MARCHF10: variants seen among roughly 807,000 people sequenced by gnomAD.
MARCHF10 encodes the protein probable E3 ubiquitin-protein ligase MARCHF10.
In MARCHF10, 64 loss-of-function variants were observed where a neutral mutation model predicts 76.2. The ratio of observed to expected loss-of-function variants is 0.84; its 90% CI spans 0.69 to 1.03. The LOEUF is 1.03. Ranked by LOEUF, MARCHF10 falls within the 50% of genes least tolerant of loss-of-function variation. MARCHF10 has a pLI of 0.00. For synonymous variants in MARCHF10, 340 were observed against 357.5 expected (o/e 0.95, Z 0.55); for missense variants, 875 against 958.0 (o/e 0.91, Z 1.14).
chr17:62,754,212 A>G (rs2091977040), intron 4 of MARCHF10, among the ~76,000 whole-genome samples: 1 of 152,136 alleles, frequency 6.6e-6, no homozygotes, highest in Non-Finnish European at 1.5e-5. Context: ...AGCTGGGATT[A>G]CAGGCATATG....
chr17:62,717,824 G>A (rs2090292020), intron 8 of MARCHF10, among the ~76,000 whole-genome samples: 1 of 152,184 alleles, frequency 6.6e-6, no homozygotes, highest in Non-Finnish European at 1.5e-5. Flanking sequence ...CCCTTTGAGT[G>A]TGCCACCATC....
intron 6 of MARCHF10, among the ~76,000 whole-genome samples, chr17:62,733,318 T>G (rs1466781416): frequency 6.6e-6 from 1 of 151,910 alleles, no homozygotes; most frequent in African/African-American, 2.4e-5. Flanking sequence ...ACATCAATAT[T>G]TCACAGAATG....
At chr17:62,799,129 A>G (rs570469742) in intron 2 of MARCHF10, among the ~76,000 whole-genome samples, 1 of 152,284 alleles carries the variant, frequency 6.6e-6, no homozygotes, top group East Asian at 1.9e-4. Context: ...GAGGGAGCTG[A>G]TGGACAAGTA....
intron 7 of MARCHF10, among the ~76,000 whole-genome samples, chr17:62,723,198 G>C (rs1429716902): frequency 6.7e-6 from 1 of 150,318 alleles, no homozygotes; most frequent in East Asian, 1.9e-4. Context: ...ATATGAGAAG[G>C]CTTCCTTTGT....
intron 4 of MARCHF10, among the ~76,000 whole-genome samples, chr17:62,758,123 A>G (rs553774374): frequency 6.6e-6 from 1 of 152,336 alleles, no homozygotes; most frequent in Non-Finnish European, 1.5e-5. Context: ...AATTCAGGCC[A>G]GGTGCGGTGG....
intron 8 of MARCHF10, among the ~76,000 whole-genome samples, chr17:62,721,650 G>A (rs1167635297): frequency 6.6e-6 from 1 of 152,126 alleles, no homozygotes; most frequent in African/African-American, 2.4e-5. Context: ...CCCACTTGAG[G>A]GTAACTAACT....
chr17:62,745,285 G>A (rs2091664425), intron 4 of MARCHF10, among the ~76,000 whole-genome samples: 1 of 151,776 alleles, frequency 6.6e-6, no homozygotes, highest in Non-Finnish European at 1.5e-5. Flanking sequence ...CGTATTTTTA[G>A]TAGAGACAGG....
intron 4 of MARCHF10, chr17:62,746,832 C>G: frequency 7.0e-7 from 1 of 1,429,194 alleles, no homozygotes; most frequent in Admixed American, 2.0e-5. Flanking sequence ...TTCACACTGC[C>G]CAGAGGCCAC....
intron 4 of MARCHF10, among the ~76,000 whole-genome samples, chr17:62,746,431 G>A (rs1221722418): frequency 1.3e-5 from 2 of 150,336 alleles, no homozygotes; most frequent in Admixed American, 1.3e-4. Context: ...AAAAGGGGGT[G>A]AGAGGAGGAA....
intron 10 of MARCHF10, chr17:62,704,940 C>A: frequency 1.0e-6 from 1 of 972,346 alleles, no homozygotes; most frequent in Non-Finnish European, 1.2e-6. Context: ...ACGTTTTTCT[C>A]CAGTCGTTTT....
At chr17:62,733,628 A>T (rs1312747773) in intron 6 of MARCHF10, among the ~76,000 whole-genome samples, 2 of 152,228 alleles carry the variant, frequency 1.3e-5, no homozygotes, top group Non-Finnish European at 2.9e-5. Flanking sequence ...GAGCCAGGAG[A>T]CATTTACAAG....
At chr17:62,722,290 A>C (rs2090530410) in intron 8 of MARCHF10, among the ~76,000 whole-genome samples, 198 bp downstream of exon 8, 2 of 151,988 alleles carry the variant, frequency 1.3e-5, no homozygotes, top group African/African-American at 4.8e-5. Context: ...AAAAAAAAAA[A>C]AAAAAAAAAG....
rs568184329 is a variant in MARCHF10, at chr17:62,717,469, G to A, written c.2214+5019C>T. Among the ~76,000 whole-genome samples the A allele has an allele frequency of 5.3e-5, 8 of 152,354 alleles. No individual in the cohort carries two copies. The South Asian group carries it at 6.2e-4, about 12-fold the overall frequency. On this transcript the variant is annotated intron_variant, in intron 8 of 10. Coordinates refer to ENST00000311269, the MANE Select transcript of MARCHF10 (RefSeq NM_152598.4). ...TGCTTTCTGTCTCTCCTGCAGATCC[G>A]CACCCCTCCTGCTCTGTGGCCCAGG...
At chr17:62,717,750 C>T (rs1005298875) in intron 8 of MARCHF10, among the ~76,000 whole-genome samples, 4 of 152,242 alleles carry the variant, frequency 2.6e-5, no homozygotes, top group African/African-American at 9.6e-5. Context: ...GACGCCTCCT[C>T]GTTCCTTGCT....
intron 2 of MARCHF10, among the ~76,000 whole-genome samples, chr17:62,791,999 A>G (rs529315110): frequency 6.6e-6 from 1 of 152,234 alleles, no homozygotes; most frequent in Non-Finnish European, 1.5e-5. Context: ...ATGGCTATAA[A>G]TAAGTCTCTG....
chr17:62,775,691 AAG>A (rs1235532275), intron 3 of MARCHF10, among the ~76,000 whole-genome samples: 18 of 152,266 alleles, frequency 1.2e-4, no homozygotes, highest in East Asian at 5.8e-4. Flanking sequence ...AACAAAATAA[AAG>A]AGTTTTAGGA....
Position 62,796,044 on chromosome 17 carries a change from G to A in MARCHF10, c.90+5602C>T, listed in dbSNP as rs555451088. Among the ~76,000 whole-genome samples the A allele has an allele frequency of 3.7e-4, 55 of 150,160 alleles. 1 individual carries two copies. Among genetic ancestry groups the A allele is most frequent in the Middle Eastern group, 3.4e-3 (1 of 292 alleles). ...TTTTGAGACAGAGTCTTACTCTGTC[G>A]CTGAGGCTGGAGTGCAGTGGCGTCA... On this transcript the variant is annotated intron_variant, in intron 2 of 10. Coordinates refer to ENST00000311269, the MANE Select transcript of MARCHF10 (RefSeq NM_152598.4).
At chr17:62,723,407 C>A (rs552025906) in intron 7 of MARCHF10, among the ~76,000 whole-genome samples, 2 of 151,698 alleles carry the variant, frequency 1.3e-5, no homozygotes, top group Admixed American at 6.6e-5. Context: ...CTATTAGTTA[C>A]CTGCATGTAT....
intron 6 of MARCHF10, 138 bp downstream of exon 6, chr17:62,735,793 T>G: frequency 1.4e-6 from 1 of 706,570 alleles, no homozygotes; most frequent in South Asian, 2.0e-5. Flanking sequence ...AGAGACAATT[T>G]TCTCAAAATA....
Sources: gnomAD v4.1 joint callset for allele counts (sites outside exome capture counted in the v4.1 genomes callset) on GRCh38, gnomAD v4.1.1 for gene constraint, MANE v1.5 for transcripts, NCBI Gene and HGNC (gene_info 2026-07-23, HGNC 2026-07-21) for gene names.